The following ATL2 variants were observed in gnomAD, a reference collection of about 807,000 sequenced individuals.
ATL2 encodes atlastin-2.
In ATL2, 31 loss-of-function variants were observed where a neutral mutation model predicts 73.9. That is an observed-to-expected ratio of 0.42 (90% CI 0.32 to 0.57). ATL2 has a LOEUF of 0.57. Among genes scored for constraint, ATL2 ranks in the 20% least tolerant of loss-of-function variants. The probability of loss-of-function intolerance (pLI) is 0.14; values close to 1 mark genes in which losing one functional copy is unlikely to be tolerated. For synonymous variants in ATL2, 291 were observed against 237.5 expected, an observed-to-expected ratio of 1.23 and a Z score of -2.07; for missense variants, 738 against 702.6, an observed-to-expected ratio of 1.05 and a Z score of -0.57.
At chr2:38,327,532 A>G (rs1458601550) in intron 2 of ATL2, among the ~76,000 whole-genome samples, 56 of 124,696 alleles carry the variant, frequency 4.5e-4, no homozygotes, top group African/African-American at 2.2e-3. Flanking sequence ...TATAAAAAAA[A>G]AAAAGTACAA....
chr2:38,364,546 C>T (rs775460958), intron 1 of ATL2, among the ~76,000 whole-genome samples: 1 of 152,218 alleles, frequency 6.6e-6, no homozygotes, highest in Non-Finnish European at 1.5e-5. Context: ...CCAAATTATT[C>T]CATATTTGTT....
At chr2:38,341,618 G>A (rs137951089) in intron 2 of ATL2, among the ~76,000 whole-genome samples, 487 of 152,238 alleles carry the variant, frequency 3.2e-3, no homozygotes, top group Non-Finnish European at 4.2e-3. Context: ...TCACACCACC[G>A]CACTCCAGCC....
intron 1 of ATL2, among the ~76,000 whole-genome samples, chr2:38,355,223 T>C (rs201791392): frequency 6.6e-6 from 1 of 151,962 alleles, no homozygotes; most frequent in Non-Finnish European, 1.5e-5. Context: ...GCCTCCTGGG[T>C]TCAAGCAATT....
chr2:38,315,671 T>C (rs1219163640), intron 4 of ATL2, among the ~76,000 whole-genome samples: 1 of 152,194 alleles, frequency 6.6e-6, no homozygotes, highest in Non-Finnish European at 1.5e-5. Flanking sequence ...TACGATCATT[T>C]TTTAAAGAGT....
At chr2:38,299,969 C>G (rs1455390278) in intron 10 of ATL2, among the ~76,000 whole-genome samples, 1 of 152,110 alleles carries the variant, frequency 6.6e-6, no homozygotes, top group Non-Finnish European at 1.5e-5. Flanking sequence ...CAGCTTAGTT[C>G]AGAGAGGCCC....
chr2:38,323,116 C>T (rs1668413112), intron 2 of ATL2, among the ~76,000 whole-genome samples: 1 of 152,166 alleles, frequency 6.6e-6, no homozygotes, highest in Non-Finnish European at 1.5e-5. Flanking sequence ...TTAGTGGGAG[C>T]TAAAGGCAGC....
chr2:38,303,749 AC>A (rs1472724042), intron 9 of ATL2, among the ~76,000 whole-genome samples: 1 of 152,210 alleles, frequency 6.6e-6, no homozygotes, highest in Non-Finnish European at 1.5e-5. Flanking sequence ...ATATTTAAGA[AC>A]AAAAGATTAT....
chr2:38,335,340 A>T (rs564393631), intron 2 of ATL2, among the ~76,000 whole-genome samples: 1 of 152,174 alleles, frequency 6.6e-6, no homozygotes, highest in Non-Finnish European at 1.5e-5. Flanking sequence ...CTAGAAACCC[A>T]TATGTCTATC....
intron 12 of ATL2, among the ~76,000 whole-genome samples, chr2:38,297,659 G>A (rs1402353219): frequency 3.3e-5 from 5 of 152,166 alleles, no homozygotes; most frequent in African/African-American, 4.8e-5. Context: ...CTACGGGATT[G>A]TTCCTCATAG....
At chr2:38,325,906 T>TAAAAAA (rs761254087) in intron 2 of ATL2, among the ~76,000 whole-genome samples, 25 of 52,046 alleles carry the variant, frequency 4.8e-4, no homozygotes, top group African/African-American at 1.4e-3. Flanking sequence ...TTTGTTTGTT[T>TAAAAAA]AAAAAAAAAA....
At chr2:38,370,085 G>A (rs894907536) in intron 1 of ATL2, among the ~76,000 whole-genome samples, 3 of 144,672 alleles carry the variant, frequency 2.1e-5, no homozygotes, top group Non-Finnish European at 3.0e-5. Context: ...ACCCCGGGGG[G>A]CGGAGCCTGC....
chr2:38,306,204 A>G (rs1667438322), intron 9 of ATL2, among the ~76,000 whole-genome samples: 2 of 152,240 alleles, frequency 1.3e-5, no homozygotes, highest in Admixed American at 1.3e-4. Context: ...GAATAAATCT[A>G]AAACCCGTAC....
intron 1 of ATL2, among the ~76,000 whole-genome samples, chr2:38,365,455 G>C (rs1019741280): frequency 6.6e-6 from 1 of 152,064 alleles, no homozygotes; most frequent in Non-Finnish European, 1.5e-5. Flanking sequence ...AGGAGTTCAA[G>C]GCCAGCCTTG....
Position 38,343,532 on chromosome 2 carries a change from A to T in ATL2, c.119-20T>A. 2 of 1,594,162 alleles carry T rather than the reference A, an allele frequency of 1.3e-6. No individual in the cohort carries two copies. Among genetic ancestry groups the T allele is most frequent in the Non-Finnish European group, 1.7e-6 (2 of 1,170,292 alleles). ...TCTCACCTAGAATTTAAAAAGAAAG[A>T]AACTGGTTACTTTAATCCCTATATT... On this transcript the variant is annotated intron_variant, in intron 1 of 12. Coordinates refer to ENST00000378954, the MANE Select transcript of ATL2 (RefSeq NM_001135673.4).
chr2:38,343,133 G>T (rs918316768), intron 2 of ATL2, 135 bp downstream of exon 2: 1 of 814,176 alleles, frequency 1.2e-6, no homozygotes, highest in Non-Finnish European at 1.6e-6. Context: ...GGGTAACAGA[G>T]TGAGACCACT....
chr2:38,349,759 C>T (rs939994185), intron 1 of ATL2, among the ~76,000 whole-genome samples: 2 of 151,978 alleles, frequency 1.3e-5, no homozygotes, highest in African/African-American at 4.8e-5. Context: ...ATTAGTTGGC[C>T]AGTCACTATG....
At chr2:38,352,471 A>C (rs77928326) in intron 1 of ATL2, among the ~76,000 whole-genome samples, 6,933 of 152,232 alleles carry the variant, frequency 0.046, 519 homozygotes, top group African/African-American at 0.16. Context: ...CTAGAGCACA[A>C]AGATCTGAAT....
chr2:38,332,044 C>G (rs1327293944), intron 2 of ATL2, among the ~76,000 whole-genome samples: 1 of 152,080 alleles, frequency 6.6e-6, no homozygotes, highest in African/African-American at 2.4e-5. Context: ...AAACATTATG[C>G]TAAGTGAAGC....
intron 9 of ATL2, among the ~76,000 whole-genome samples, chr2:38,301,801 C>G (rs765463027): frequency 6.6e-6 from 1 of 152,158 alleles, no homozygotes; most frequent in Non-Finnish European, 1.5e-5. Flanking sequence ...GGGCTGGGCT[C>G]AGAGCCAGTG....
Sources: allele counts gnomAD v4.1 joint callset (sites outside exome capture counted in the v4.1 genomes callset), GRCh38; gene constraint gnomAD v4.1.1; transcripts MANE v1.5; gene names NCBI Gene and HGNC (gene_info 2026-07-23, HGNC 2026-07-21).